Variants in PPP1R2 observed in about 807,000 individuals in gnomAD.
PPP1R2 encodes protein phosphatase 1 regulatory inhibitor subunit 2.
PPP1R2 carries 16 observed loss-of-function variants against 29.9 expected under a neutral mutation model. The observed-to-expected ratio is 0.53, with a 90% CI of 0.36 to 0.81. PPP1R2 has a LOEUF of 0.81. Ranked by LOEUF, PPP1R2 falls within the 30% of genes least tolerant of loss-of-function variation. The pLI, the probability that PPP1R2 is intolerant of heterozygous loss-of-function variation, is 0.00. For synonymous variants in PPP1R2, 76 were observed against 91.5 expected (o/e 0.83, Z 0.96); for missense variants, 197 against 252.7 (o/e 0.78, Z 1.49).
intron 1 of PPP1R2, among the ~76,000 whole-genome samples, chr3:195,538,501 CA>C (rs760711792): frequency 1.7e-4 from 22 of 129,868 alleles, no homozygotes; most frequent in Non-Finnish European, 2.4e-4. Context: ...TACAAGTAAG[CA>C]AAAAGTAACT....
chr3:195,525,598 G>C (rs181026806), intron 2 of PPP1R2, among the ~76,000 whole-genome samples: 1 of 152,226 alleles, frequency 6.6e-6, no homozygotes, highest in East Asian at 1.9e-4. Context: ...AGAGACAAAA[G>C]ATCTACGCAG....
At chr3:195,528,700 CTATTTT>C (rs1719068499) in intron 2 of PPP1R2, 4 of 76,658 alleles carry the variant, frequency 5.2e-5, no homozygotes, top group East Asian at 1.3e-3. Context: ...TAGGGCATAA[CTATTTT>C]TTTTTTTTTT....
rs1171758986 is a variant in PPP1R2, at chr3:195,543,010, C to T, written c.16G>A (p.Ala6Thr). 1.9e-6 allele frequency: 3 copies of T among 1,599,962 alleles called. No homozygotes were observed. Among genetic ancestry groups the T allele is most frequent in the Non-Finnish European group, 2.6e-6 (3 of 1,173,920 alleles). The part of the protein sequence containing the change: MAAST[A>T]SHRPIKGILK... ...ATCCCCTTGATGGGCCGGTGCGAGG[C>T]CGTCGAGGCCGCCATTGCCGGGCGC... The change falls in exon 1 of 6, where the codon GCC becomes ACC. Residue 6 changes from alanine to threonine, a missense_variant. Coordinates refer to ENST00000618156, the MANE Select transcript of PPP1R2 (RefSeq NM_006241.8).
intron 1 of PPP1R2, 79 bp downstream of exon 1, chr3:195,542,825 C>T: frequency 6.9e-7 from 1 of 1,438,902 alleles, no homozygotes; most frequent in Non-Finnish European, 9.2e-7. Flanking sequence ...TCCACGCCGC[C>T]CGCCCGCCCC....
chr3:195,530,337 C>T (rs1314031046), intron 1 of PPP1R2, among the ~76,000 whole-genome samples: 1 of 152,212 alleles, frequency 6.6e-6, no homozygotes, highest in Non-Finnish European at 1.5e-5. Context: ...TCTGTTAACA[C>T]TCAGAACATA....
At chr3:195,527,355 C>T (rs1193124582) in intron 2 of PPP1R2, among the ~76,000 whole-genome samples, 1 of 151,984 alleles carries the variant, frequency 6.6e-6, no homozygotes, top group Admixed American at 6.6e-5. Flanking sequence ...GAGGCTGAGG[C>T]ACGAGAATCT....
intron 1 of PPP1R2, among the ~76,000 whole-genome samples, chr3:195,537,481 T>TTTTGTGTGTGTGTGTGTGTG (rs150119072): frequency 0.057 from 7,302 of 128,466 alleles, 364 homozygotes; most frequent in Non-Finnish European, 0.065. Context: ...GGATTAGCTA[T>TTTTGTGTGTGTGTGTGTGTG]TGTGTGTGTG....
chr3:195,531,299 T>C (rs946536855), intron 1 of PPP1R2, among the ~76,000 whole-genome samples: 3 of 152,254 alleles, frequency 2.0e-5, no homozygotes, highest in Non-Finnish European at 4.4e-5. Context: ...TTACTTAGTA[T>C]GTACTTGGAA....
chr3:195,523,546 A>T (rs1718847560), intron 4 of PPP1R2, 146 bp downstream of exon 4: 2 of 644,994 alleles, frequency 3.1e-6, no homozygotes, highest in Non-Finnish European at 5.5e-6. Context: ...ACACACAAGT[A>T]GTATCTGAAT....
At chr3:195,530,925 C>A (rs533810352) in intron 1 of PPP1R2, among the ~76,000 whole-genome samples, 1 of 152,018 alleles carries the variant, frequency 6.6e-6, no homozygotes, top group African/African-American at 2.4e-5. Context: ...TGGGTTCAAG[C>A]GATTCTCCTG....
intron 1 of PPP1R2, among the ~76,000 whole-genome samples, chr3:195,540,725 A>G (rs1165330847): frequency 6.6e-6 from 1 of 152,160 alleles, no homozygotes; most frequent in Non-Finnish European, 1.5e-5. Flanking sequence ...CTTCCTTGCC[A>G]TGTGATGCCC....
At chr3:195,534,721 C>T (rs955287232) in intron 1 of PPP1R2, among the ~76,000 whole-genome samples, 1 of 152,110 alleles carries the variant, frequency 6.6e-6, no homozygotes, top group Non-Finnish European at 1.5e-5. Flanking sequence ...AGAGATAGGG[C>T]ATTACTCCAT....
At chr3:195,535,053 TCC>T (rs1466569086) in intron 1 of PPP1R2, among the ~76,000 whole-genome samples, 1 of 152,126 alleles carries the variant, frequency 6.6e-6, no homozygotes, top group Admixed American at 6.6e-5. Context: ...TACGCAGTGG[TCC>T]CCAACCTTTT....
At chr3:195,523,892 T>C in intron 3 of PPP1R2, 106 bp from the exon 4 acceptor site, 2 of 942,706 alleles carry the variant, frequency 2.1e-6, no homozygotes, top group Non-Finnish European at 3.3e-6. Flanking sequence ...ATCATTAATG[T>C]GCTAGCTATA....
chr3:195,543,006 G>C lies in PPP1R2; in HGVS notation c.20C>G (p.Ser7Trp), dbSNP rs749808373. Residue 7 changes from serine (S) to tryptophan (W), a missense_variant, in exon 1 of 6, where the codon TCG becomes TGG. Around this residue, in one of 3 missense-constraint regions of PPP1R2, gnomAD observed 54 missense variants for 60.6 expected, o/e 0.89. Transcript: ENST00000618156. MAASTA[S>W]HRPIKGILKN... ...CAAGATCCCCTTGATGGGCCGGTGCGAGGCCGTCGAGGCCGCCATTGCCGG... is the reference window on the plus strand; with the variant it reads ...CAAGATCCCCTTGATGGGCCGGTGCCAGGCCGTCGAGGCCGCCATTGCCGG... The C allele has an allele frequency of 3.1e-5, 50 of 1,599,264 alleles. No individual in the cohort carries two copies. The highest frequency in any genetic ancestry group is 4.3e-5 in the Non-Finnish European group (50 of 1,173,626).
intron 1 of PPP1R2, among the ~76,000 whole-genome samples, chr3:195,535,756 A>C (rs1719355433): frequency 6.6e-6 from 1 of 152,260 alleles, no homozygotes; most frequent in African/African-American, 2.4e-5. Context: ...TTATTTTACA[A>C]CATGGACGCT....
intron 4 of PPP1R2, chr3:195,519,461 G>A: frequency 3.2e-6 from 1 of 307,774 alleles, no homozygotes; most frequent in Non-Finnish European, 5.9e-6. Flanking sequence ...TTAAAGCTAT[G>A]GGAAAATTAT....
At chr3:195,533,772 T>C (rs1719273442) in intron 1 of PPP1R2, among the ~76,000 whole-genome samples, 1 of 152,186 alleles carries the variant, frequency 6.6e-6, no homozygotes, top group Non-Finnish European at 1.5e-5. Flanking sequence ...TGCCGATGCA[T>C]CTTTTATGTG....
intron 2 of PPP1R2, chr3:195,529,328 A>G (rs771432410): frequency 2.0e-5 from 3 of 152,464 alleles, no homozygotes; most frequent in African/African-American, 4.8e-5. Context: ...CAAAAATTAC[A>G]TGTAATGATC....
Sources: gnomAD v4.1 joint callset for allele counts (sites outside exome capture counted in the v4.1 genomes callset) on GRCh38, gnomAD v4.1.1 for gene constraint, gnomAD v4.1.1 regional missense constraint, MANE v1.5 for transcripts, NCBI Gene and HGNC (gene_info 2026-07-23, HGNC 2026-07-21) for gene names.